TYW1B: variants seen among roughly 807,000 people sequenced by gnomAD.
TYW1B encodes tRNA-yW synthesizing protein 1 homolog B, also known as S-adenosyl-L-methionine-dependent tRNA 4-demethylwyosine synthase TYW1B.
Under a neutral mutation model 86.9 loss-of-function variants are expected in TYW1B, and 73 were observed. That is an observed-to-expected ratio of 0.84 (90% CI 0.70 to 1.02). The LOEUF is 1.02. Among genes scored for constraint, TYW1B ranks in the 50% least tolerant of loss-of-function variants. The pLI is 0.00. For missense variants in TYW1B, 637 were observed against 827.4 expected (o/e 0.77, Z 2.82); for synonymous variants, 248 against 292.8 (o/e 0.85, Z 1.56).
At chr7:72,824,816 G>A (rs1554481154) in intron 2 of TYW1B, among the ~76,000 whole-genome samples, 1 of 151,984 alleles carries the variant, frequency 6.6e-6, no homozygotes, top group East Asian at 1.9e-4. Context: ...TATAATTAGA[G>A]AATGGGACTG....
chr7:72,773,487 G>A (rs1301634122), intron 7 of TYW1B, among the ~76,000 whole-genome samples: 7 of 152,198 alleles, frequency 4.6e-5, no homozygotes, highest in African/African-American at 1.4e-4. Flanking sequence ...ATGTAGCAAA[G>A]AGAGACGACC....
At chr7:72,807,628 T>TA (rs1449201378) in intron 4 of TYW1B, among the ~76,000 whole-genome samples, 5 of 151,410 alleles carry the variant, frequency 3.3e-5, no homozygotes, top group East Asian at 1.9e-4. Context: ...GGTTAATGAC[T>TA]AAAAAAAAAT....
In TYW1B at chr7:72,696,961, T is replaced by TCTCATCAC. The variant is rs1814334586; in HGVS notation, c.1371-2147_1371-2140dup. Among the ~76,000 whole-genome samples the TCTCATCAC allele has an allele frequency of 2.0e-5, 3 of 151,218 alleles. No homozygotes were observed. In the South Asian group the frequency reaches 6.3e-4, roughly 32 times the overall value. ...AAGCATCAGTAATAACAGCATTCTG[T>TCTCATCAC]CTCATCACCCCTTTGCTGAGTGCCT... On this transcript the variant is annotated intron_variant, in intron 10 of 13. Transcript: ENST00000620995.
At chr7:72,612,332 A>T (rs1585847378) in intron 13 of TYW1B, among the ~76,000 whole-genome samples, 1 of 152,232 alleles carries the variant, frequency 6.6e-6, no homozygotes, top group South Asian at 2.1e-4. Flanking sequence ...TAAATATATA[A>T]ATGGGAGGAA....
chr7:72,678,907 G>T lies in TYW1B; in HGVS notation c.1506+15780C>A, dbSNP rs529605419. The stretch of plus-strand genomic sequence containing the variant: ...AGGCCAGGAGTTTAAGACAAGCTGG[G>T]CAACATAGTGAGACTCCATCTGTAC... On this transcript the variant is annotated intron_variant, in intron 11 of 13. Coordinates refer to ENST00000620995, the MANE Select transcript of TYW1B (RefSeq NM_001145440.3). Among the ~76,000 whole-genome samples, 3 of 151,686 alleles carry T rather than the reference G, an allele frequency of 2.0e-5. No individual in the cohort carries two copies. The South Asian group carries it at 6.3e-4, about 32-fold the overall frequency.
At chr7:72,799,283 C>T (rs557567479) in intron 6 of TYW1B, among the ~76,000 whole-genome samples, 1 of 149,470 alleles carries the variant, frequency 6.7e-6, no homozygotes, top group East Asian at 2.0e-4. Context: ...CTCAGCCTCC[C>T]AAGTAGCTGG....
At chr7:72,824,038 C>T (rs1554481027) in intron 2 of TYW1B, among the ~76,000 whole-genome samples, 2 of 151,974 alleles carry the variant, frequency 1.3e-5, no homozygotes. Context: ...AAGGACTTTG[C>T]TTTGGCTGCT....
At chr7:72,801,449 A>G (rs571383489) in intron 6 of TYW1B, among the ~76,000 whole-genome samples, 26 of 152,126 alleles carry the variant, frequency 1.7e-4, no homozygotes, top group Non-Finnish European at 2.4e-4. Flanking sequence ...TATAAAGTCT[A>G]TTGACTTTCT....
chr7:72,632,986 A>G (rs1554440239), intron 11 of TYW1B, among the ~76,000 whole-genome samples: 1 of 152,038 alleles, frequency 6.6e-6, no homozygotes, highest in Admixed American at 6.6e-5. Flanking sequence ...GCTGACCAAA[A>G]CAGGTCCAGA....
chr7:72,652,026 G>A (rs377673867), intron 11 of TYW1B, among the ~76,000 whole-genome samples: 2 of 151,898 alleles, frequency 1.3e-5, no homozygotes, highest in Admixed American at 1.3e-4. Context: ...CAAGAGATTC[G>A]CCCACCTCAG....
intron 13 of TYW1B, among the ~76,000 whole-genome samples, chr7:72,612,028 TCTC>T (rs1325416907): frequency 3.3e-5 from 5 of 152,124 alleles, no homozygotes; most frequent in Admixed American, 2.0e-4. Context: ...CTCCCTCTCT[TCTC>T]TTCTTCTCTT....
chr7:72,744,467 C>T lies in TYW1B; in HGVS notation c.1082+17G>A, dbSNP rs782138897. On this transcript the variant is annotated intron_variant, in intron 8 of 13. Transcript: ENST00000620995. ...TCATTACATATTCGATCACCATGAC[C>T]TTTCATTTTTACTTACCACCAACAG... 39 of 1,610,370 alleles carry T rather than the reference C, an allele frequency of 2.4e-5. No individual in the cohort carries two copies. The highest frequency in any genetic ancestry group is 3.0e-5 in the Non-Finnish European group (35 of 1,176,830).
intron 8 of TYW1B, among the ~76,000 whole-genome samples, chr7:72,739,233 T>G (rs1295081450): frequency 6.6e-6 from 1 of 152,154 alleles, no homozygotes; most frequent in Non-Finnish European, 1.5e-5. Context: ...CATATGATGA[T>G]AAACGTTCAC....
At chr7:72,713,046 G>A (rs574362824) in intron 10 of TYW1B, among the ~76,000 whole-genome samples, 103 of 151,776 alleles carry the variant, frequency 6.8e-4, no homozygotes, top group Admixed American at 2.6e-3. Context: ...CACCTGTAAT[G>A]CCAGCACTTT....
At chr7:72,751,513 C>A (rs555527816) in intron 7 of TYW1B, among the ~76,000 whole-genome samples, 1 of 152,138 alleles carries the variant, frequency 6.6e-6, no homozygotes, top group African/African-American at 2.4e-5. Flanking sequence ...TCTTTTATAA[C>A]TTGTCTTTGC....
At chr7:72,604,983 C>T (rs2129568140) in intron 13 of TYW1B, among the ~76,000 whole-genome samples, 1 of 152,302 alleles carries the variant, frequency 6.6e-6, no homozygotes, top group South Asian at 2.1e-4. Flanking sequence ...ACTTACTATC[C>T]TAGCCGCTAA....
chr7:72,743,851 A>C (rs1333322011), intron 8 of TYW1B, among the ~76,000 whole-genome samples: 2 of 151,778 alleles, frequency 1.3e-5, no homozygotes, highest in African/African-American at 4.8e-5. Context: ...TCTCAAAAAA[A>C]AAAAAAAAGA....
intron 9 of TYW1B, among the ~76,000 whole-genome samples, chr7:72,719,631 C>CAA (rs67560586): frequency 0.11 from 6,852 of 62,756 alleles, 330 homozygotes; most frequent in Non-Finnish European, 0.12. Context: ...ATTCCGTCTC[C>CAA]AAAAAAAAAA....
At chr7:72,734,688 G>A (rs1182413794) in intron 8 of TYW1B, among the ~76,000 whole-genome samples, 11 of 152,094 alleles carry the variant, frequency 7.2e-5, no homozygotes, top group African/African-American at 2.4e-4. Context: ...AATGACAGAA[G>A]ATATTTCCAA....
Sources: gnomAD v4.1 joint callset for allele counts (sites outside exome capture counted in the v4.1 genomes callset) on GRCh38, gnomAD v4.1.1 for gene constraint, MANE v1.5 for transcripts, NCBI Gene and HGNC (gene_info 2026-07-23, HGNC 2026-07-21) for gene names.